The following RBFOX1 variants were observed in gnomAD, a reference collection of about 807,000 sequenced individuals.
The protein encoded by RBFOX1 is RNA binding fox-1 homolog 1.
In RBFOX1, 8 loss-of-function variants were observed where a neutral mutation model predicts 57.7. The ratio of observed to expected loss-of-function variants is 0.14; its 90% CI spans 0.08 to 0.25. The LOEUF (loss-of-function observed/expected upper bound fraction) is 0.25. Ranked by LOEUF, RBFOX1 falls within the 10% of genes least tolerant of loss-of-function variation. The probability of loss-of-function intolerance (pLI) is 1.00; values close to 1 mark genes in which losing one functional copy is unlikely to be tolerated. For synonymous variants in RBFOX1, 326 were observed against 222.4 expected, an observed-to-expected ratio of 1.47 and a Z score of -4.15; for missense variants, 611 against 548.5, an observed-to-expected ratio of 1.11 and a Z score of -1.14.
chr16:6,578,612 T>TGTGTGTGTGTGTGTGTGTGTGTG, intron 2 of RBFOX1, among the ~76,000 whole-genome samples: 1 of 147,004 alleles, frequency 6.8e-6, no homozygotes. Context: ...TGTGTGTGTG[T>TGTGTGTGTGTGTGTGTGTGTGTG]GAGCATGGGA....
chr16:5,709,846 T>G (rs61268150), intron 3 of RBFOX1, among the ~76,000 whole-genome samples: 1 of 9,608 alleles, frequency 1.0e-4, no homozygotes. Flanking sequence ...TATATATATT[T>G]TTTTTTTTTT....
At chr16:6,101,887 C>T (rs954353042) in intron 1 of RBFOX1, among the ~76,000 whole-genome samples, 8 of 152,148 alleles carry the variant, frequency 5.3e-5, no homozygotes, top group African/African-American at 9.7e-5. Context: ...CCAGATTGTC[C>T]GTTCCTGGGA....
intron 2 of RBFOX1, among the ~76,000 whole-genome samples, chr16:6,580,586 C>T (rs527323563): frequency 1.2e-4 from 14 of 117,266 alleles, no homozygotes; most frequent in Middle Eastern, 4.2e-3. Context: ...CCAGAAATGT[C>T]ACAGGGGGGG....
intron 3 of RBFOX1, among the ~76,000 whole-genome samples, chr16:6,892,267 G>C (rs1039071740): frequency 5.3e-5 from 8 of 152,064 alleles, no homozygotes; most frequent in African/African-American, 1.7e-4. Context: ...ACTTTGTAAC[G>C]AATGTATTTT....
intron 12 of RBFOX1, among the ~76,000 whole-genome samples, chr16:7,656,278 A>G (rs2066272917): frequency 6.6e-6 from 1 of 152,214 alleles, no homozygotes; most frequent in South Asian, 2.1e-4. Flanking sequence ...ACTGGATTAC[A>G]GACTCCTGGG....
chr16:7,060,101 G>C (rs930927631), intron 4 of RBFOX1, among the ~76,000 whole-genome samples: 2 of 152,056 alleles, frequency 1.3e-5, no homozygotes, highest in South Asian at 2.1e-4. Context: ...TGATACCATA[G>C]AGTTAACAAA....
chr16:5,434,690 T>C (rs867025102), intron 1 of RBFOX1, among the ~76,000 whole-genome samples: 1 of 152,200 alleles, frequency 6.6e-6, no homozygotes, highest in Middle Eastern at 3.2e-3. Flanking sequence ...CTGTTTAAAA[T>C]CCTGCATCTC....
intron 2 of RBFOX1, among the ~76,000 whole-genome samples, chr16:6,332,265 G>C (rs1488104902): frequency 1.3e-5 from 2 of 152,118 alleles, no homozygotes; most frequent in African/African-American, 4.8e-5. Flanking sequence ...AGCTAAATTC[G>C]ATCAACCAGC....
In RBFOX1 at chr16:7,183,145, T is replaced by C. The variant is rs930107545; in HGVS notation, c.27+131047T>C. On this transcript the variant is annotated intron_variant, in intron 4 of 15. Coordinates refer to ENST00000550418, the MANE Select transcript of RBFOX1 (RefSeq NM_018723.4). Reference sequence around the variant, plus strand: ...CAGCTGGGATCAGTATTCAACCCTCTTTTTATTAGTTGAGGCAGAGTGGGT... The same window carrying C: ...CAGCTGGGATCAGTATTCAACCCTCCTTTTATTAGTTGAGGCAGAGTGGGT... Among the ~76,000 whole-genome samples, 6 of 152,176 alleles carry C rather than the reference T, an allele frequency of 3.9e-5. No homozygotes were observed. In the East Asian group the frequency reaches 1.2e-3, roughly 29 times the overall value.
At chr16:6,650,248 G>GT (rs1172646289) in intron 2 of RBFOX1, among the ~76,000 whole-genome samples, 1 of 151,824 alleles carries the variant, frequency 6.6e-6, no homozygotes, top group African/African-American at 2.4e-5. Context: ...GCTTCTCCAG[G>GT]TTTTTTTGTT....
chr16:7,710,689 T>C lies in RBFOX1; in HGVS notation c.1138T>C (p.Ser380Pro), dbSNP rs753475803. ...TGCTGATGATGTGGGTCTCGTTCTTTCTTCATTGCAGGCTAGTATATACCG... is the reference window on the plus strand; with the variant it reads ...TGCTGATGATGTGGGTCTCGTTCTTCCTTCATTGCAGGCTAGTATATACCG... The part of the protein sequence containing the change: ...SHADDVGLVL[S>P]SLQASIYRGG... Residue 380 changes from serine to proline, a missense_variant, in exon 16 of 16, where the codon TCT becomes CCT. Physicochemically the swap from Ser to Pro is moderately conservative, Grantham distance 74. This residue lies in a region of RBFOX1 where 267 missense variants were observed against 229.1 expected (regional missense o/e 1.17). Coordinates refer to ENST00000550418, the MANE Select transcript of RBFOX1 (RefSeq NM_018723.4). 1 of 1,613,582 alleles carries C rather than the reference T, an allele frequency of 6.2e-7. No homozygotes were observed. Among genetic ancestry groups the C allele is most frequent in the East Asian group, 2.2e-5 (1 of 44,868 alleles).
At chr16:5,775,306 C>T (rs2054109964) in intron 3 of RBFOX1, among the ~76,000 whole-genome samples, 1 of 152,150 alleles carries the variant, frequency 6.6e-6, no homozygotes, top group South Asian at 2.1e-4. Context: ...CCTTTCTTTT[C>T]CCTCTTCCCT....
intron 4 of RBFOX1, among the ~76,000 whole-genome samples, chr16:5,950,640 C>T (rs1202801374): frequency 3.3e-5 from 5 of 152,166 alleles, no homozygotes; most frequent in South Asian, 2.1e-4. Context: ...GGAAACCTTT[C>T]GGTTATTATT....
intron 2 of RBFOX1, among the ~76,000 whole-genome samples, chr16:6,404,250 G>A (rs2093191536): frequency 6.6e-6 from 1 of 152,138 alleles, no homozygotes; most frequent in Non-Finnish European, 1.5e-5. Flanking sequence ...AGTTTTACAA[G>A]TAATGTAGAG....
At chr16:5,558,768 A>G (rs567078080) in intron 2 of RBFOX1, among the ~76,000 whole-genome samples, 60 of 152,250 alleles carry the variant, frequency 3.9e-4, no homozygotes, top group African/African-American at 1.1e-3. Flanking sequence ...AAAGCCCCCA[A>G]TTCAGATCAA....
At chr16:6,862,261 C>G (rs140684014) in intron 3 of RBFOX1, among the ~76,000 whole-genome samples, 1 of 152,124 alleles carries the variant, frequency 6.6e-6, no homozygotes, top group Non-Finnish European at 1.5e-5. Context: ...CCTAGGCCAC[C>G]TCCAGAGATT....
chr16:7,655,555 T>C (rs1249253113), intron 12 of RBFOX1, among the ~76,000 whole-genome samples: 1 of 152,230 alleles, frequency 6.6e-6, no homozygotes, highest in Non-Finnish European at 1.5e-5. Flanking sequence ...AATGAGCCCA[T>C]TTTATGGATC....
At chr16:6,964,625 G>A (rs936276319) in intron 3 of RBFOX1, among the ~76,000 whole-genome samples, 4 of 152,064 alleles carry the variant, frequency 2.6e-5, no homozygotes, top group Non-Finnish European at 5.9e-5. Flanking sequence ...AAAAAATAAC[G>A]TTAGTTTGAA....
At position 7,710,937 on chromosome 16, in the gene RBFOX1, G is replaced by T. The variant is rs1224125370; in HGVS notation, c.*192G>T. ...TGTTCTGTGTATTTTAATATTGTGG[G>T]TCTTTAATTTCTGAAGGTTCCGTAG... On this transcript the variant is annotated 3_prime_UTR_variant, in exon 16 of 16. Transcript: ENST00000550418. 1.5e-6 allele frequency: 1 copy of T among 670,370 alleles called. No homozygotes were observed. Among genetic ancestry groups the T allele is most frequent in the African/African-American group, 1.9e-5 (1 of 52,966 alleles). 41.5% of individuals were successfully genotyped at this position (670,370 alleles called of 1,614,324 possible).
Sources: gnomAD v4.1 joint callset for allele counts (sites outside exome capture counted in the v4.1 genomes callset) on GRCh38, gnomAD v4.1.1 for gene constraint, gnomAD v4.1.1 regional missense constraint, MANE v1.5 for transcripts, NCBI Gene and HGNC (gene_info 2026-07-23, HGNC 2026-07-21) for gene names.